ARFGEF3: variants seen among roughly 807,000 people sequenced by gnomAD.
The protein encoded by ARFGEF3 is ARFGEF family member 3.
ARFGEF3 carries 96 observed loss-of-function variants against 221.7 expected under a neutral mutation model. That is an observed-to-expected ratio of 0.43 (90% CI 0.37 to 0.51). The LOEUF is 0.51. Ranked by LOEUF, ARFGEF3 falls within the 20% of genes least tolerant of loss-of-function variation. The probability of loss-of-function intolerance (pLI) is 0.00; values close to 1 mark genes in which losing one functional copy is unlikely to be tolerated. For missense variants in ARFGEF3, 2,410 were observed against 2,789.9 expected (o/e 0.86, Z 3.07); for synonymous variants, 1,145 against 1,126.8 (o/e 1.02, Z -0.32).
chr6:138,335,109 G>C lies in ARFGEF3; in HGVS notation c.6263G>C (p.Arg2088Pro). Residue 2088 changes from arginine to proline, a missense_variant, in exon 33 of 34, where the codon CGA becomes CCA. Arg to Pro is a moderately radical substitution (Grantham distance 103). Coordinates refer to ENST00000251691, the MANE Select transcript of ARFGEF3 (RefSeq NM_020340.5). ...TTCAGCGCAGGCCCCGAGCTGCTGC[G>C]ACAGGACAAGAGGCCCCGCTCAGGC... Reference protein sequence around the residue: ...HSFSAGPELLRQDKRPRSGST... With the variant: ...HSFSAGPELLPQDKRPRSGST... The C allele has an allele frequency of 6.2e-7, 1 of 1,601,264 alleles. No homozygotes were observed. The highest frequency in any genetic ancestry group is 8.5e-7 in the Non-Finnish European group (1 of 1,175,066).
At chr6:138,266,894 G>A (rs1778906542) in intron 12 of ARFGEF3, among the ~76,000 whole-genome samples, 3 of 148,548 alleles carry the variant, frequency 2.0e-5, no homozygotes, top group Admixed American at 1.4e-4. Flanking sequence ...AGCTAAGGGA[G>A]TTGTACATAA....
At position 138,313,898 on chromosome 6, in the gene ARFGEF3, A is replaced by G; in HGVS notation, c.4304A>G (p.Asp1435Gly). ...RLQEQSASSE[D>G]GIESVLSDFD... ...CAGGAACAGTCAGCCAGCAGTGAGG[A>G]TGGAATTGAATCAGTCCTGTCTGAT... is the stretch of plus-strand genomic sequence containing the variant. Residue 1435 changes from aspartate to glycine, a missense_variant, in exon 26 of 34, where the codon GAT becomes GGT. Asp to Gly is a moderately conservative substitution (Grantham distance 94). This residue lies in a region of ARFGEF3 where 723 missense variants were observed against 991.9 expected (regional missense o/e 0.73). Transcript: ENST00000251691. 6.2e-7 allele frequency: 1 copy of G among 1,613,854 alleles called. No homozygotes were observed. Among genetic ancestry groups the G allele is most frequent in the Non-Finnish European group, 8.5e-7 (1 of 1,179,848 alleles).
chr6:138,330,183 G>A (rs1780201097), intron 32 of ARFGEF3, among the ~76,000 whole-genome samples: 1 of 152,172 alleles, frequency 6.6e-6, no homozygotes, highest in Non-Finnish European at 1.5e-5. Flanking sequence ...GGTCACAGGG[G>A]ACATGATGGC....
At chr6:138,268,448 G>T (rs1778937415) in intron 12 of ARFGEF3, among the ~76,000 whole-genome samples, 1 of 152,216 alleles carries the variant, frequency 6.6e-6, no homozygotes, top group Admixed American at 6.5e-5. Flanking sequence ...GTGTTTCTCA[G>T]TGACTCCTAT....
intron 8 of ARFGEF3, among the ~76,000 whole-genome samples, chr6:138,251,270 T>G (rs577901271): frequency 6.6e-6 from 1 of 152,352 alleles, no homozygotes; most frequent in South Asian, 2.1e-4. Flanking sequence ...CTTTCCTGTC[T>G]ATAGTTGTTT....
At position 138,238,523 on chromosome 6, in the gene ARFGEF3, G is replaced by A. The variant is rs755282335; in HGVS notation, c.435G>A (p.Thr145=). 3.3e-5 allele frequency: 53 copies of A among 1,613,472 alleles called. No homozygotes were observed. Among genetic ancestry groups the A allele is most frequent in the East Asian group, 6.7e-5 (3 of 44,880 alleles). The change falls in exon 6 of 34, where the codon ACG becomes ACA. Residue 145 remains threonine (T), a synonymous_variant. Coordinates refer to ENST00000251691, the MANE Select transcript of ARFGEF3 (RefSeq NM_020340.5). ...TTCTTTAACAGGTGTGCATTGAGACGTACATAAGCAGCTGTCACCAGCGTA... is the reference window on the plus strand; with the variant it reads ...TTCTTTAACAGGTGTGCATTGAGACATACATAAGCAGCTGTCACCAGCGTA... The part of the protein sequence containing the change: ...VLKIAEVCIE[T]YISSCHQRSI...
At position 138,334,585 on chromosome 6, in the gene ARFGEF3, C is replaced by T. The variant is rs1191320985; in HGVS notation, c.5739C>T (p.Asn1913=). Residue 1913 remains asparagine, a synonymous_variant, in exon 33 of 34, where the codon AAC becomes AAT. Coordinates refer to ENST00000251691, the MANE Select transcript of ARFGEF3 (RefSeq NM_020340.5). The surrounding 1 kb of genome is among the most constrained non-coding windows in gnomAD (Gnocchi z 5.1). ...RLHKLCMELC[N]NYIQMHLDLE... The stretch of plus-strand genomic sequence containing the variant: ...ACAAGCTGTGCATGGAACTGTGCAA[C>T]AACTACATCCAGATGCACTTGGACC... 1.7e-5 allele frequency: 27 copies of T among 1,613,572 alleles called. No homozygotes were observed. Among genetic ancestry groups the T allele is most frequent in the Non-Finnish European group, 2.2e-5 (26 of 1,179,900 alleles).
Position 138,162,430 on chromosome 6 carries a change from C to T in ARFGEF3, c.85+259C>T, listed in dbSNP as rs1398242019. On this transcript the variant is annotated intron_variant, in intron 1 of 33. Coordinates refer to ENST00000251691, the MANE Select transcript of ARFGEF3 (RefSeq NM_020340.5). The surrounding 1 kb of genome is among the most constrained non-coding windows in gnomAD (Gnocchi z 4.7). ...CCTCCCTGCCTGGCGGCCCCCTTCT[C>T]CTGGTCCCGGCGCTGGGGACGATGC... 1.3e-5 allele frequency among the ~76,000 whole-genome samples: 2 copies of T among 152,212 alleles called. No homozygotes were observed. Among genetic ancestry groups the T allele is most frequent in the Admixed American group, 6.5e-5 (1 of 15,288 alleles).
intron 25 of ARFGEF3, 102 bp downstream of exon 25, chr6:138,311,612 C>A: frequency 1.3e-6 from 1 of 753,856 alleles, no homozygotes; most frequent in African/African-American, 1.7e-5. Context: ...GAGAGAGACA[C>A]TTTGCCGTCT....
chr6:138,245,962 T>C (rs551876434), intron 8 of ARFGEF3, among the ~76,000 whole-genome samples: 62 of 152,314 alleles, frequency 4.1e-4, no homozygotes, highest in African/African-American at 1.2e-3. Flanking sequence ...ACTCTTCTCA[T>C]CAAACCATGC....
chr6:138,171,078 CCT>C lies in ARFGEF3; in HGVS notation c.137+369_137+370del, dbSNP rs1355543859. On this transcript the variant is annotated intron_variant, in intron 2 of 33. Transcript: ENST00000251691. ...GAGCAGAGCCCTCATGGCCAGATCA[CCT>C]CTCATTAGGCCTGACCTCCCAATAC... 2.0e-5 allele frequency among the ~76,000 whole-genome samples: 3 copies of C among 148,720 alleles called. No individual in the cohort carries two copies. In the East Asian group the frequency reaches 5.8e-4, roughly 29 times the overall value.
intron 2 of ARFGEF3, among the ~76,000 whole-genome samples, chr6:138,201,670 G>A (rs1777539952): frequency 6.6e-6 from 1 of 152,160 alleles, no homozygotes; most frequent in Admixed American, 6.5e-5. Flanking sequence ...GGGACTTGAG[G>A]GGAAGAGTGG....
At chr6:138,246,345 T>C (rs560751371) in intron 8 of ARFGEF3, among the ~76,000 whole-genome samples, 4 of 152,320 alleles carry the variant, frequency 2.6e-5, no homozygotes, top group South Asian at 4.1e-4. Context: ...CTATCATTCA[T>C]TGGTAACTAG....
chr6:138,259,786 C>A (rs1393126512), intron 10 of ARFGEF3, among the ~76,000 whole-genome samples: 1 of 152,084 alleles, frequency 6.6e-6, no homozygotes, highest in Non-Finnish European at 1.5e-5. Flanking sequence ...TGGTGGCGCA[C>A]ACCTGTGGTC....
intron 12 of ARFGEF3, among the ~76,000 whole-genome samples, chr6:138,269,751 G>A (rs767884251): frequency 1.3e-5 from 2 of 152,034 alleles, no homozygotes; most frequent in African/African-American, 2.4e-5. Flanking sequence ...AGGTGGCGGT[G>A]AGCTGAGATC....
chr6:138,282,544 TTAGGAA>T (rs1375728676), intron 14 of ARFGEF3, among the ~76,000 whole-genome samples: 2 of 152,050 alleles, frequency 1.3e-5, no homozygotes, highest in African/African-American at 4.8e-5. Context: ...GAGGCACTAT[TTAGGAA>T]TCAGGCAGAA....
intron 12 of ARFGEF3, among the ~76,000 whole-genome samples, chr6:138,272,156 T>TTTA (rs1779014975): frequency 6.6e-6 from 1 of 151,760 alleles, no homozygotes; most frequent in African/African-American, 2.4e-5. Context: ...TATTTATTTA[T>TTTA]TTATTTATTT....
At chr6:138,176,468 A>G (rs1423936300) in intron 2 of ARFGEF3, among the ~76,000 whole-genome samples, 2 of 152,212 alleles carry the variant, frequency 1.3e-5, no homozygotes, top group East Asian at 3.8e-4. Context: ...GGCCTGAGCC[A>G]CTGCACCCAG....
At chr6:138,325,786 G>C (rs957067608) in intron 31 of ARFGEF3, among the ~76,000 whole-genome samples, 1 of 152,202 alleles carries the variant, frequency 6.6e-6, no homozygotes, top group Non-Finnish European at 1.5e-5. Flanking sequence ...CAATGGAGAA[G>C]AACAGCAAGA....
Sources: gnomAD v4.1 joint callset for allele counts (sites outside exome capture counted in the v4.1 genomes callset) on GRCh38, gnomAD v4.1.1 for gene constraint, gnomAD v4.1.1 regional missense constraint, Gnocchi (gnomAD v3.1) non-coding constraint, MANE v1.5 for transcripts, NCBI Gene and HGNC (gene_info 2026-07-23, HGNC 2026-07-21) for gene names.